C2orf78: variants seen among roughly 807,000 people sequenced by gnomAD.
C2orf78 encodes the protein chromosome 2 open reading frame 78, also known as uncharacterized protein C2orf78.
In C2orf78, 12 loss-of-function variants were observed where a neutral mutation model predicts 21.4. The ratio of observed to expected loss-of-function variants is 0.56; its 90% CI spans 0.36 to 0.91. The LOEUF (loss-of-function observed/expected upper bound fraction) is 0.91, where lower values mean the gene tolerates loss of function less well. C2orf78 is among the 40% of genes least tolerant of loss of function. The pLI is 0.01. For missense variants in C2orf78, 1,042 were observed against 1,092.4 expected, an observed-to-expected ratio of 0.95 and a Z score of 0.65; for synonymous variants, 396 against 413.9, an observed-to-expected ratio of 0.96 and a Z score of 0.52.
At chr2:73,815,874 A>G in exon 3 of C2orf78, 1 of 1,613,742 alleles carries the variant, frequency 6.2e-7, no homozygotes, top group Non-Finnish European at 8.5e-7. Flanking sequence ...CAAGCATTCT[A>G]GCAACAAACC....
chr2:73,812,477 C>T (rs56172439), intron 1 of C2orf78, among the ~76,000 whole-genome samples: 9,343 of 152,216 alleles, frequency 0.061, 383 homozygotes, highest in Middle Eastern at 0.16. Context: ...GCCTGAAGCT[C>T]ACAGAGTTTA....
At position 73,786,062 on chromosome 2, in the gene C2orf78, G is replaced by A. The variant is rs560152017; in HGVS notation, c.97+1656G>A. ...ACTCCGCTTCAAAAAGAAAAAAAAA[G>A]AAAGAGAGAAATATGTTTTAGAAAT... On this transcript the variant is annotated intron_variant, in intron 1 of 2. Coordinates refer to ENST00000409561, the Ensembl canonical transcript of C2orf78. Among the ~76,000 whole-genome samples, 98 of 151,732 alleles carry A rather than the reference G, an allele frequency of 6.5e-4. 4 individuals carry two copies. In the East Asian group the frequency reaches 9.4e-3, roughly 15 times the overall value.
intron 1 of C2orf78, among the ~76,000 whole-genome samples, chr2:73,786,375 T>C (rs1672934520): frequency 1.4e-5 from 2 of 148,020 alleles, no homozygotes; most frequent in African/African-American, 5.0e-5. Flanking sequence ...CGAGACTCCA[T>C]CTAAAAACAA....
intron 1 of C2orf78, 94 bp from the exon 2 acceptor site, chr2:73,813,383 T>C (rs1573202005): frequency 7.7e-7 from 1 of 1,303,810 alleles, no homozygotes; most frequent in Non-Finnish European, 1.0e-6. Context: ...AGAGGCTTCC[T>C]GATTGCAACA....
chr2:73,817,134 C>T (rs1007413807), exon 3 of C2orf78: 2 of 987,254 alleles, frequency 2.0e-6, no homozygotes, highest in African/African-American at 1.7e-5. Flanking sequence ...AATAAAGAGG[C>T]CTTTTGAGTT....
intron 1 of C2orf78, among the ~76,000 whole-genome samples, chr2:73,810,586 A>T (rs1487313261): frequency 7.1e-6 from 1 of 140,196 alleles, no homozygotes; most frequent in Non-Finnish European, 1.5e-5. Context: ...TATGTATATT[A>T]TATATATACA....
intron 1 of C2orf78, among the ~76,000 whole-genome samples, chr2:73,811,558 C>T (rs1274980477): frequency 6.6e-6 from 1 of 152,198 alleles, no homozygotes; most frequent in Non-Finnish European, 1.5e-5. Context: ...AGAGTACCTA[C>T]TGATTCATAA....
At chr2:73,813,805 C>G in exon 2 of C2orf78, 1 of 1,614,040 alleles carries the variant, frequency 6.2e-7, no homozygotes, top group Non-Finnish European at 8.5e-7. Flanking sequence ...CATCCTCACT[C>G]AGGGACTTCA....
chr2:73,816,275 G>A (rs767311826), exon 3 of C2orf78: 77 of 1,613,746 alleles, frequency 4.8e-5, no homozygotes, highest in Middle Eastern at 1.6e-4. Context: ...GTAAAGGCCC[G>A]GAGAAAATTC....
intron 1 of C2orf78, among the ~76,000 whole-genome samples, chr2:73,798,193 C>T (rs1358965482): frequency 7.5e-6 from 1 of 133,114 alleles, no homozygotes; most frequent in Admixed American, 7.2e-5. Flanking sequence ...CGGTGGCTCC[C>T]GCCTGTAATC....
chr2:73,812,955 AG>A (rs376114485), intron 1 of C2orf78, among the ~76,000 whole-genome samples: 32 of 152,320 alleles, frequency 2.1e-4, no homozygotes, highest in African/African-American at 7.0e-4. Flanking sequence ...CCATATTAAA[AG>A]TTCTAATTTC....
exon 2 of C2orf78, chr2:73,814,110 C>A: frequency 6.2e-7 from 1 of 1,613,038 alleles, no homozygotes; most frequent in South Asian, 1.1e-5. Context: ...GCCCATCAAC[C>A]AGAAATGGTG....
exon 3 of C2orf78, chr2:73,816,354 C>T (rs577964904): frequency 2.5e-6 from 4 of 1,613,668 alleles, no homozygotes; most frequent in Non-Finnish European, 3.4e-6. Context: ...CTCTGAGTTG[C>T]CACCACCTGG....
chr2:73,816,903 G>A (rs1202138926), exon 3 of C2orf78: 1 of 1,613,600 alleles, frequency 6.2e-7, no homozygotes, highest in Non-Finnish European at 8.5e-7. Context: ...TGAGAATGCT[G>A]CCAAATACAC....
At chr2:73,786,108 G>C (rs771072609) in intron 1 of C2orf78, among the ~76,000 whole-genome samples, 1 of 151,896 alleles carries the variant, frequency 6.6e-6, no homozygotes, top group Non-Finnish European at 1.5e-5. Flanking sequence ...GGCAGGGTGC[G>C]GTGGCTCACA....
Position 73,808,120 on chromosome 2 carries a change from G to A in C2orf78, c.98-5357G>A, listed in dbSNP as rs752593423. ...ATACAAAAAATTAGCCGGCTGAAGT[G>A]GCAGGCGCCTGTAGTCCCAGCTACT... On this transcript the variant is annotated intron_variant, in intron 1 of 2. Coordinates refer to ENST00000409561, the Ensembl canonical transcript of C2orf78. 2.3e-4 allele frequency among the ~76,000 whole-genome samples: 34 copies of A among 150,926 alleles called. 2 individuals carry two copies. The highest frequency in any genetic ancestry group is 1.5e-3 in the Admixed American group (23 of 15,236).
rs753186440 is a variant in C2orf78 at position 73,815,506 on chromosome 2, A to G, written c.1283A>G (p.Gln428Arg). ...AATAAGAGCCTGAGTCTTGAGGACC[A>G]AGGGATATTTGAAAATGGGATTGAG... Residue 428 changes from glutamine to arginine, a missense_variant, in exon 3 of 3, where the codon CAA becomes CGA. Transcript: ENST00000409561. 18 of 1,613,864 alleles carry G rather than the reference A, an allele frequency of 1.1e-5. No individual in the cohort carries two copies. In the African/African-American group the frequency reaches 2.4e-4, roughly 22 times the overall value.
chr2:73,816,817 C>T (rs774729156), exon 3 of C2orf78: 1 of 1,614,006 alleles, frequency 6.2e-7, no homozygotes, highest in Non-Finnish European at 8.5e-7. Context: ...GTTCCTGAGC[C>T]AGTAATGTCA....
At chr2:73,816,947 G>T in exon 3 of C2orf78, 1 of 1,611,414 alleles carries the variant, frequency 6.2e-7, no homozygotes, top group Non-Finnish European at 8.5e-7. Context: ...TCATTGAAAG[G>T]GAAAGAGATA....
Sources: allele counts gnomAD v4.1 joint callset (sites outside exome capture counted in the v4.1 genomes callset), GRCh38; gene constraint gnomAD v4.1.1; transcripts MANE v1.5; gene names NCBI Gene and HGNC (gene_info 2026-07-23, HGNC 2026-07-21).